The following CAVIN2 variants were observed in gnomAD, a reference collection of about 807,000 sequenced individuals.
CAVIN2 encodes caveolae associated protein 2.
Under a neutral mutation model 11.7 loss-of-function variants are expected in CAVIN2, and 13 were observed. The observed-to-expected ratio is 1.11, with a 90% CI of 0.72 to 1.77. CAVIN2 has a LOEUF of 1.77. Ranked by LOEUF, CAVIN2 falls within the 40% of genes most tolerant of loss-of-function variation. The pLI is 0.00. For missense variants in CAVIN2, 549 were observed against 542.9 expected, an observed-to-expected ratio of 1.01 and a Z score of -0.11; for synonymous variants, 237 against 223.2, an observed-to-expected ratio of 1.06 and a Z score of -0.55.
At chr2:191,844,320 G>T (rs1213933312) in intron 1 of CAVIN2, among the ~76,000 whole-genome samples, 1 of 152,196 alleles carries the variant, frequency 6.6e-6, no homozygotes, top group Non-Finnish European at 1.5e-5. Context: ...GAAGGAACAA[G>T]AGAGTCCACT....
Position 191,835,644 on chromosome 2 carries a change from CAAAG to C in CAVIN2, c.*275_*278del, listed in dbSNP as rs1472204384. ...ATCCTCTGTTTTTTTCTGACTAAGT[CAAAG>C]AGATTAGCATTTTTCAACTGCTCAG... On this transcript the variant is annotated 3_prime_UTR_variant, in exon 2 of 2. Coordinates refer to ENST00000304141, the MANE Select transcript of CAVIN2 (RefSeq NM_004657.6). 2.5e-6 allele frequency: 1 copy of C among 400,912 alleles called. No homozygotes were observed. Among genetic ancestry groups the C allele is most frequent in the African/African-American group, 2.0e-5 (1 of 50,454 alleles). 24.8% of individuals were successfully genotyped at this position (400,912 alleles called of 1,614,324 possible).
rs2105733730 is a variant in CAVIN2 at position 191,834,806 on chromosome 2, ATCTT to A, written c.*1113_*1116del. 1 of 152,256 alleles carries A rather than the reference ATCTT, an allele frequency of 6.6e-6. No individual in the cohort carries two copies. The highest frequency in any genetic ancestry group is 1.9e-4 in the East Asian group (1 of 5,190). 9.4% of individuals were successfully genotyped at this position (152,256 alleles called of 1,614,324 possible). ...TATGTACAAAAAAAGAAAAAATAGA[ATCTT>A]TCACTTCCAAAACCTATAGATTTTA... On this transcript the variant is annotated 3_prime_UTR_variant, in exon 2 of 2. Transcript: ENST00000304141.
intron 1 of CAVIN2, among the ~76,000 whole-genome samples, chr2:191,845,240 G>C (rs1443867559): frequency 1.3e-5 from 2 of 152,198 alleles, no homozygotes; most frequent in Non-Finnish European, 2.9e-5. Context: ...TGCAATTTGA[G>C]GAGGACAAAA....
intron 1 of CAVIN2, among the ~76,000 whole-genome samples, chr2:191,837,939 T>C (rs552432367): frequency 2.0e-5 from 3 of 152,284 alleles, no homozygotes; most frequent in Middle Eastern, 6.8e-3. Flanking sequence ...CTTCCAGATA[T>C]GAACAAGAGA....
chr2:191,846,044 G>A (rs1690160408), intron 1 of CAVIN2, among the ~76,000 whole-genome samples: 1 of 152,182 alleles, frequency 6.6e-6, no homozygotes, highest in Non-Finnish European at 1.5e-5. Context: ...AAGAGTTAAT[G>A]AACAGCCACT....
In CAVIN2 at chr2:191,839,180, A is replaced by G. The variant is rs535387114; in HGVS notation, c.484-2463T>C. Among the ~76,000 whole-genome samples, 74 of 152,334 alleles carry G rather than the reference A, an allele frequency of 4.9e-4. No individual in the cohort carries two copies. In the Middle Eastern group the frequency reaches 0.017, roughly 35 times the overall value. On this transcript the variant is annotated intron_variant, in intron 1 of 1. Transcript: ENST00000304141. The stretch of plus-strand genomic sequence containing the variant: ...CAGTGAAATGTCATTAAAAGTCCTC[A>G]GTGAGGAAAGCAGAAATTCAGGCAG...
Position 191,835,750 on chromosome 2 carries a change from G to A in CAVIN2, c.*173C>T, listed in dbSNP as rs1036202617. ...TTAAAAGTGGAGTCCGTGACAGGTC[G>A]CTTTCATGGTAAAGCCTGGTCTCGT... On this transcript the variant is annotated 3_prime_UTR_variant, in exon 2 of 2. Coordinates refer to ENST00000304141, the MANE Select transcript of CAVIN2 (RefSeq NM_004657.6). 3 of 611,158 alleles carry A rather than the reference G, an allele frequency of 4.9e-6. No homozygotes were observed. In the South Asian group the frequency reaches 7.4e-5, roughly 15 times the overall value. The allele number at this position is 611,158 out of a possible 1,614,324, so 37.9% of individuals were successfully genotyped here. A position where few individuals can be genotyped will look rare whatever the true frequency, so the allele number is the denominator to read the frequency against.
rs145730706 is a variant in CAVIN2, at chr2:191,846,499, C to T, written c.427G>A (p.Glu143Lys). Residue 143 changes from glutamate (E) to lysine (K), a missense_variant, in exon 1 of 2, where the codon GAG becomes AAG. Transcript: ENST00000304141. Reference sequence around the variant, plus strand: ...CGGAGGAGCTGGGCGTGGTTGTTCTCCAGCCGCTTCACCTGTGCGCACTGC... The same window carrying T: ...CGGAGGAGCTGGGCGTGGTTGTTCTTCAGCCGCTTCACCTGTGCGCACTGC... ...DRQCAQVKRLENNHAQLLRRN... is the reference protein window; with the variant it reads ...DRQCAQVKRLKNNHAQLLRRN... 6.2e-6 allele frequency: 10 copies of T among 1,614,206 alleles called. No individual in the cohort carries two copies. In the African/African-American group the frequency reaches 9.3e-5, roughly 15 times the overall value.
chr2:191,836,600 C>A lies in CAVIN2; in HGVS notation c.601G>T (p.Asp201Tyr). ...GGCAAATCATCATCTGAGGAGAGGT[C>A]CACGGTGTGCAGGGTTTCCTCCAGG... ...KSLEETLHTVDLSSDDDLPHD... is the reference protein window; with the variant it reads ...KSLEETLHTVYLSSDDDLPHD... The change falls in exon 2 of 2, where the codon GAC becomes TAC. Residue 201 changes from aspartate to tyrosine, a missense_variant. Physicochemically the swap from Asp to Tyr is radical, Grantham distance 160. Coordinates refer to ENST00000304141, the MANE Select transcript of CAVIN2 (RefSeq NM_004657.6). 4.3e-6 allele frequency: 7 copies of A among 1,614,138 alleles called. No individual in the cohort carries two copies. Among genetic ancestry groups the A allele is most frequent in the Non-Finnish European group, 5.9e-6 (7 of 1,180,038 alleles).
intron 1 of CAVIN2, among the ~76,000 whole-genome samples, chr2:191,845,312 A>T (rs1690150051): frequency 6.6e-6 from 1 of 152,218 alleles, no homozygotes; most frequent in African/African-American, 2.4e-5. Flanking sequence ...GGCAGAGCAG[A>T]TTCATTTTGA....
Position 191,846,597 on chromosome 2 carries a change from G to A in CAVIN2, c.329C>T (p.Thr110Met). 6.2e-7 allele frequency: 1 copy of A among 1,614,276 alleles called. No homozygotes were observed. The highest frequency in any genetic ancestry group is 8.5e-7 in the Non-Finnish European group (1 of 1,180,052). The change falls in exon 1 of 2, where the codon ACG becomes ATG. Residue 110 changes from threonine (T) to methionine (M), a missense_variant. Coordinates refer to ENST00000304141, the MANE Select transcript of CAVIN2 (RefSeq NM_004657.6). ...LSKYQASTSN[T>M]VSKLLEKSRK... is the part of the protein sequence containing the mutation. Reference sequence around the variant, plus strand: ...GGACTTCTCCAGCAGCTTGCTCACCGTGTTGCTGGTGGAGGCCTGGTACTT... The same window carrying A: ...GGACTTCTCCAGCAGCTTGCTCACCATGTTGCTGGTGGAGGCCTGGTACTT...
intron 1 of CAVIN2, among the ~76,000 whole-genome samples, chr2:191,843,296 A>G (rs950236078): frequency 2.0e-5 from 3 of 152,230 alleles, no homozygotes; most frequent in Non-Finnish European, 2.9e-5. Flanking sequence ...ACTCTTCTCA[A>G]CAGTACCATA....
rs1411780323 is a variant in CAVIN2, at chr2:191,836,060, C to T, written c.1141G>A (p.Glu381Lys). Residue 381 changes from glutamate (E) to lysine (K), a missense_variant, in exon 2 of 2, where the codon GAG (glutamate) becomes AAG (lysine). Transcript: ENST00000304141. ...TGTTCCAGGGCCACTGACTCCTCCT[C>T]TTCATCTTCCACAATAGTCAAGTCG... is the stretch of plus-strand genomic sequence containing the variant. The part of the protein sequence containing the change: ...NIDLTIVEDE[E>K]EESVALEQAQ... 3 of 1,614,234 alleles carry T rather than the reference C, an allele frequency of 1.9e-6. No homozygotes were observed. Among genetic ancestry groups the T allele is most frequent in the African/African-American group, 1.3e-5 (1 of 75,060 alleles).
intron 1 of CAVIN2, among the ~76,000 whole-genome samples, chr2:191,845,471 C>T (rs1385158528): frequency 6.6e-6 from 1 of 152,206 alleles, no homozygotes; most frequent in Non-Finnish European, 1.5e-5. Context: ...ATGGTCACAA[C>T]GAGACAGCCC....
At chr2:191,843,989 G>A (rs993717394) in intron 1 of CAVIN2, among the ~76,000 whole-genome samples, 4 of 152,136 alleles carry the variant, frequency 2.6e-5, no homozygotes, top group South Asian at 2.1e-4. Flanking sequence ...AGCCATAAAC[G>A]TTTTCGAATC....
chr2:191,834,668 G>C lies in CAVIN2; in HGVS notation c.*1255C>G, dbSNP rs1178609103. ...GGCAGCAGATAAAATTACCCTGTCT[G>C]AATATATGTGTACATATACATAAAA... On this transcript the variant is annotated 3_prime_UTR_variant, in exon 2 of 2. Coordinates refer to ENST00000304141, the MANE Select transcript of CAVIN2 (RefSeq NM_004657.6). 3 of 152,084 alleles carry C rather than the reference G, an allele frequency of 2.0e-5. No homozygotes were observed. The allele number at this position is 152,084 out of a possible 1,614,324, so 9.4% of individuals were successfully genotyped here. A position where few individuals can be genotyped will look rare whatever the true frequency, so the allele number is the denominator to read the frequency against.
intron 1 of CAVIN2, among the ~76,000 whole-genome samples, chr2:191,837,625 CA>C (rs1234112382): frequency 6.6e-6 from 1 of 152,184 alleles, no homozygotes; most frequent in African/African-American, 2.4e-5. Flanking sequence ...TCTTGGCTCT[CA>C]AGGAGCAGCA....
chr2:191,839,802 G>A (rs939749734), intron 1 of CAVIN2, among the ~76,000 whole-genome samples: 2 of 152,170 alleles, frequency 1.3e-5, no homozygotes, highest in African/African-American at 4.8e-5. Flanking sequence ...TGTGGCTTCT[G>A]ATGGCATCTA....
At chr2:191,845,708 G>A (rs1413535170) in intron 1 of CAVIN2, among the ~76,000 whole-genome samples, 1 of 152,150 alleles carries the variant, frequency 6.6e-6, no homozygotes, top group African/African-American at 2.4e-5. Context: ...TAAGGCAACC[G>A]TTTGAAGGAG....
Sources: allele counts gnomAD v4.1 joint callset (sites outside exome capture counted in the v4.1 genomes callset), GRCh38; gene constraint gnomAD v4.1.1; transcripts MANE v1.5; gene names NCBI Gene and HGNC (gene_info 2026-07-23, HGNC 2026-07-21).